Variants in ULK4 observed in about 807,000 individuals in gnomAD.
ULK4 encodes inactive serine/threonine-protein kinase ULK4.
ULK4 carries 133 observed loss-of-function variants against 160.6 expected under a neutral mutation model. The ratio of observed to expected loss-of-function variants is 0.83; its 90% confidence interval spans 0.72 to 0.96. The LOEUF (loss-of-function observed/expected upper bound fraction) is 0.96, where lower values mean the gene tolerates loss of function less well. Among genes scored for constraint, ULK4 ranks in the 40% least tolerant of loss-of-function variants. ULK4 has a pLI of 0.00. For synonymous variants in ULK4, 534 were observed against 539.8 expected, an observed-to-expected ratio of 0.99 and a Z score of 0.15; for missense variants, 1,580 against 1,499.5, an observed-to-expected ratio of 1.05 and a Z score of -0.89.
Position 41,714,777 on chromosome 3 carries a change from A to AGGAG in ULK4, c.2634+456_2634+459dup, listed in dbSNP as rs549736528. On this transcript the variant is annotated intron_variant, in intron 25 of 36. Coordinates refer to ENST00000301831, the MANE Select transcript of ULK4 (RefSeq NM_017886.4). The stretch of plus-strand genomic sequence containing the variant: ...TGGGTCAGGAGAATCGCTTGAACCC[A>AGGAG]GGAGGCGGAGGTTGCAGTGAGCCAA... Among the ~76,000 whole-genome samples the AGGAG allele has an allele frequency of 2.0e-3, 302 of 149,994 alleles. 1 individual carries two copies. Among genetic ancestry groups the AGGAG allele is most frequent in the African/African-American group, 7.2e-3 (286 of 39,976 alleles).
At chr3:41,554,689 A>G in intron 32 of ULK4, among the ~76,000 whole-genome samples, 1 of 152,136 alleles carries the variant, frequency 6.6e-6, no homozygotes, top group East Asian at 1.9e-4. Flanking sequence ...TGTGTATTTC[A>G]AAGTAGGTAA....
In ULK4 at chr3:41,681,822, A is replaced by T. The variant is rs772456631; in HGVS notation, c.2782-18T>A. On this transcript the variant is annotated intron_variant, in intron 27 of 36. Transcript: ENST00000301831. ...TCAACAACCTAAAAGAAAGCATGTA[A>T]AAGACTCAGAATCTCTATGAACACA... 1 of 1,613,694 alleles carries T rather than the reference A, an allele frequency of 6.2e-7. No individual in the cohort carries two copies. Among genetic ancestry groups the T allele is most frequent in the East Asian group, 2.2e-5 (1 of 44,876 alleles).
intron 32 of ULK4, among the ~76,000 whole-genome samples, chr3:41,534,597 T>C (rs1169400206): frequency 1.3e-5 from 2 of 152,050 alleles, no homozygotes; most frequent in Non-Finnish European, 2.9e-5. Flanking sequence ...TTTCTGTAGT[T>C]TGTGGCATGT....
chr3:41,401,751 T>C (rs1427720682), intron 34 of ULK4, among the ~76,000 whole-genome samples: 2 of 152,162 alleles, frequency 1.3e-5, no homozygotes, highest in Non-Finnish European at 2.9e-5. Flanking sequence ...TTTCAGCCAT[T>C]ATACAATCAG....
intron 34 of ULK4, among the ~76,000 whole-genome samples, chr3:41,409,342 A>G (rs1190356550): frequency 6.6e-6 from 1 of 152,220 alleles, no homozygotes; most frequent in East Asian, 1.9e-4. Context: ...TTTCTTATGT[A>G]TGATGCCAAC....
intron 21 of ULK4, among the ~76,000 whole-genome samples, chr3:41,783,290 A>G (rs1190184300): frequency 2.0e-5 from 3 of 151,978 alleles, no homozygotes; most frequent in Non-Finnish European, 4.4e-5. Flanking sequence ...TAATCCCAGC[A>G]CTTTGGGAGG....
At chr3:41,249,004 T>TGAG in intron 36 of ULK4, among the ~76,000 whole-genome samples, 1 of 152,206 alleles carries the variant, frequency 6.6e-6, no homozygotes, top group East Asian at 1.9e-4. Flanking sequence ...AACTTCTGGC[T>TGAG]GAGGAAGGTA....
Position 41,279,261 on chromosome 3 carries a change from A to AAC in ULK4, c.3679-29688_3679-29687insGT, listed in dbSNP as rs776447013. Among the ~76,000 whole-genome samples, 122 of 70,910 alleles carry AAC rather than the reference A, an allele frequency of 1.7e-3. 2 individuals are homozygous for AAC. The highest frequency in any genetic ancestry group is 3.7e-3 in the Admixed American group (32 of 8,598). 46.5% of individuals were successfully genotyped at this position (70,910 alleles called of 152,430 possible). A position where few individuals can be genotyped will look rare whatever the true frequency, so the allele number is the denominator to read the frequency against. On this transcript the variant is annotated intron_variant, in intron 35 of 36. Coordinates refer to ENST00000301831, the MANE Select transcript of ULK4 (RefSeq NM_017886.4). ...AGATTAGAGAAAAAAAGAGTAAAAAAAAAAAAAAAAAAAACAAAACGACAA... is the reference window on the plus strand; with the variant it reads ...AGATTAGAGAAAAAAAGAGTAAAAAAACAAAAAAAAAAAAAACAAAACGACAA...
chr3:41,325,526 A>G (rs1042205243), intron 35 of ULK4, among the ~76,000 whole-genome samples: 2 of 152,188 alleles, frequency 1.3e-5, no homozygotes, highest in South Asian at 2.1e-4. Flanking sequence ...TTTGGTGAAA[A>G]TGGTTTCAAA....
chr3:41,498,908 TA>T (rs1340587864), intron 32 of ULK4, among the ~76,000 whole-genome samples: 1 of 152,158 alleles, frequency 6.6e-6, no homozygotes, highest in African/African-American at 2.4e-5. Flanking sequence ...TTTCTTCTTT[TA>T]AAGATTAATG....
chr3:41,829,847 G>A (rs533072923), intron 18 of ULK4, among the ~76,000 whole-genome samples: 13 of 147,258 alleles, frequency 8.8e-5, no homozygotes, highest in East Asian at 1.9e-4. Context: ...ACATGCACAC[G>A]TATGTTTATT....
chr3:41,409,418 T>C (rs1431568116), intron 34 of ULK4, among the ~76,000 whole-genome samples: 1 of 152,156 alleles, frequency 6.6e-6, no homozygotes, highest in Non-Finnish European at 1.5e-5. Flanking sequence ...TGATTTGCTA[T>C]AAAGGATATA....
chr3:41,670,598 C>CAT (rs934742636), intron 29 of ULK4, among the ~76,000 whole-genome samples: 1 of 151,688 alleles, frequency 6.6e-6, no homozygotes, highest in African/African-American at 2.4e-5. Context: ...TACACATATA[C>CAT]ATATATATAC....
intron 20 of ULK4, among the ~76,000 whole-genome samples, chr3:41,798,314 A>C (rs1440903576): frequency 3.3e-5 from 5 of 152,230 alleles, no homozygotes; most frequent in Non-Finnish European, 7.3e-5. Context: ...TTAAAATATT[A>C]TTCAAAGGTG....
rs2083733324 is a variant in ULK4 at position 41,463,143 on chromosome 3, C to CAAGCAGG, written c.3330_3336dup (p.Asp1113ProfsTer3). 1 of 1,613,758 alleles carries CAAGCAGG rather than the reference C, an allele frequency of 6.2e-7. No individual in the cohort carries two copies. Among genetic ancestry groups the CAAGCAGG allele is most frequent in the African/African-American group, 1.3e-5 (1 of 75,006 alleles). On this transcript the variant is annotated frameshift_variant, in exon 33 of 37. Transcript: ENST00000301831. LOFTEE classifies it high-confidence loss of function. ...TAGGTCAGCATGCTGTGCAAAATAT[C>CAAGCAGG]AAGCAGGGAAAAGAGCAGTGGAGCT...
intron 17 of ULK4, among the ~76,000 whole-genome samples, chr3:41,858,144 TTTG>T (rs1279903666): frequency 7.1e-5 from 5 of 70,866 alleles, no homozygotes; most frequent in South Asian, 3.5e-4. Flanking sequence ...GTTTTTTTTG[TTTG>T]TTTTTTTTTT....
intron 31 of ULK4, among the ~76,000 whole-genome samples, chr3:41,567,140 A>C (rs753569856): frequency 3.3e-5 from 5 of 152,108 alleles, no homozygotes; most frequent in Non-Finnish European, 7.4e-5. Context: ...TCCACCTCTC[A>C]CCCACAGAGA....
At chr3:41,700,556 T>G (rs1362200801) in intron 27 of ULK4, among the ~76,000 whole-genome samples, 2 of 152,124 alleles carry the variant, frequency 1.3e-5, no homozygotes, top group Non-Finnish European at 2.9e-5. Flanking sequence ...TGAGGTACTG[T>G]CCCAATTGGC....
At chr3:41,254,549 T>C (rs1003513929) in intron 35 of ULK4, among the ~76,000 whole-genome samples, 4 of 152,114 alleles carry the variant, frequency 2.6e-5, no homozygotes, top group African/African-American at 9.7e-5. Flanking sequence ...GAAGAAATGT[T>C]CCTAATCAAT....
Sources: gnomAD v4.1 joint callset for allele counts (sites outside exome capture counted in the v4.1 genomes callset) on GRCh38, gnomAD v4.1.1 for gene constraint, MANE v1.5 for transcripts, NCBI Gene and HGNC (gene_info 2026-07-23, HGNC 2026-07-21) for gene names.